POT1: variants seen among roughly 807,000 people sequenced by gnomAD.
POT1 encodes protection of telomeres 1.
POT1 carries 47 observed loss-of-function variants against 78.5 expected under a neutral mutation model. That is an observed-to-expected ratio of 0.60 (90% CI 0.47 to 0.76). The LOEUF is 0.76. Ranked by LOEUF, POT1 falls within the 30% of genes least tolerant of loss-of-function variation. The probability of loss-of-function intolerance (pLI) is 0.00; values close to 1 mark genes in which losing one functional copy is unlikely to be tolerated. For synonymous variants in POT1, 259 were observed against 260.7 expected, an observed-to-expected ratio of 0.99 and a Z score of 0.06; for missense variants, 646 against 749.9, an observed-to-expected ratio of 0.86 and a Z score of 1.62.
At chr7:124,868,630 G>A (rs990619804) in intron 7 of POT1, among the ~76,000 whole-genome samples, 4 of 150,576 alleles carry the variant, frequency 2.7e-5, no homozygotes, top group Non-Finnish European at 3.0e-5. Flanking sequence ...AGTAAAAAAA[G>A]GTAACTATTA....
At chr7:124,893,529 T>C (rs1441563401) in intron 5 of POT1, among the ~76,000 whole-genome samples, 1 of 151,422 alleles carries the variant, frequency 6.6e-6, no homozygotes, top group Non-Finnish European at 1.5e-5. Flanking sequence ...AACAACTTGC[T>C]GAGATACTAC....
At chr7:124,900,741 T>A (rs946181256) in intron 3 of POT1, 3 of 255,646 alleles carry the variant, frequency 1.2e-5, no homozygotes, top group Non-Finnish European at 2.6e-5. Context: ...GGAATTCCCT[T>A]TCCTAGCCAA....
chr7:124,902,837 C>T (rs981879506), intron 3 of POT1, among the ~76,000 whole-genome samples: 1 of 151,846 alleles, frequency 6.6e-6, no homozygotes, highest in Non-Finnish European at 1.5e-5. Flanking sequence ...GAAGATCTAC[C>T]AAGCAAATGG....
In POT1 at chr7:124,839,936, C is replaced by G. The variant is rs191833304; in HGVS notation, c.1369+1037G>C. Among the ~76,000 whole-genome samples, 663 of 151,936 alleles carry G rather than the reference C, an allele frequency of 4.4e-3. 3 individuals carry two copies. Among genetic ancestry groups the G allele is most frequent in the Non-Finnish European group, 6.1e-3 (417 of 67,922 alleles). On this transcript the variant is annotated intron_variant, in intron 14 of 18. Coordinates refer to ENST00000357628, the MANE Select transcript of POT1 (RefSeq NM_015450.3). ...CTAACAAACCATTATCACTCAAAGT[C>G]CAGTCTATATTAGGGTTTACTCTCA... is the stretch of plus-strand genomic sequence containing the variant.
chr7:124,845,553 C>T (rs1005008857), intron 12 of POT1, among the ~76,000 whole-genome samples: 9 of 152,082 alleles, frequency 5.9e-5, no homozygotes, highest in Admixed American at 1.3e-4. Context: ...AAGGTAGTGT[C>T]CAATCACTTC....
At chr7:124,915,328 G>GGTA (rs1226142734) in intron 3 of POT1, among the ~76,000 whole-genome samples, 1 of 152,078 alleles carries the variant, frequency 6.6e-6, no homozygotes, top group Non-Finnish European at 1.5e-5. Flanking sequence ...ACAACACCTA[G>GGTA]GTAACAAATA....
At chr7:124,924,792 G>A (rs1439809153) in intron 2 of POT1, among the ~76,000 whole-genome samples, 2 of 151,992 alleles carry the variant, frequency 1.3e-5, no homozygotes, top group African/African-American at 2.4e-5. Context: ...TCTCAGGGAC[G>A]CAAGAATAGT....
intron 2 of POT1, among the ~76,000 whole-genome samples, chr7:124,922,980 T>C (rs1287787114): frequency 6.6e-6 from 1 of 151,804 alleles, no homozygotes; most frequent in Admixed American, 6.6e-5. Context: ...CCAAAGTATC[T>C]TAACCAACAA....
intron 3 of POT1, among the ~76,000 whole-genome samples, chr7:124,905,134 G>T (rs142312466): frequency 6.7e-6 from 1 of 148,592 alleles, no homozygotes; most frequent in Non-Finnish European, 1.5e-5. Flanking sequence ...CACAGAATTG[G>T]AAGTTCATAT....
chr7:124,847,043 A>C (rs1414624228), intron 11 of POT1, 45 bp from the exon 12 acceptor site: 2 of 1,326,150 alleles, frequency 1.5e-6, no homozygotes, highest in Admixed American at 3.5e-5. Flanking sequence ...TTACAACTTC[A>C]TTGTAGAACT....
chr7:124,852,141 A>G lies in POT1; in HGVS notation c.870-190T>C, dbSNP rs534992663. On this transcript the variant is annotated intron_variant, in intron 10 of 18. Coordinates refer to ENST00000357628, the MANE Select transcript of POT1 (RefSeq NM_015450.3). ...GTTCAAATTAAAAATCTGAGTTTAG[A>G]AAGATACAAGTGAAACAGCAGAATG... Among the ~76,000 whole-genome samples the G allele has an allele frequency of 2.6e-5, 4 of 152,288 alleles. No homozygotes were observed. The East Asian group carries it at 7.7e-4, about 29-fold the overall frequency.
intron 6 of POT1, among the ~76,000 whole-genome samples, chr7:124,888,960 A>C (rs529266541): frequency 6.6e-6 from 1 of 152,046 alleles, no homozygotes; most frequent in Non-Finnish European, 1.5e-5. Flanking sequence ...TGACTTGATA[A>C]CCCTATAATG....
At chr7:124,848,254 A>G (rs1287356816) in intron 11 of POT1, among the ~76,000 whole-genome samples, 1 of 152,210 alleles carries the variant, frequency 6.6e-6, no homozygotes, top group African/African-American at 2.4e-5. Flanking sequence ...CTCAAAAATA[A>G]AAAACTCTAA....
intron 15 of POT1, among the ~76,000 whole-genome samples, chr7:124,833,329 T>C (rs1794815483): frequency 6.6e-6 from 1 of 152,202 alleles, no homozygotes; most frequent in African/African-American, 2.4e-5. Context: ...TACCGTATAA[T>C]ATTTTTCAAC....
intron 6 of POT1, among the ~76,000 whole-genome samples, chr7:124,889,305 A>G (rs1421377146): frequency 6.6e-6 from 1 of 152,096 alleles, no homozygotes; most frequent in African/African-American, 2.4e-5. Flanking sequence ...TCAATTCTTT[A>G]AAGGCCAAGA....
chr7:124,833,344 A>G (rs1794815618), intron 15 of POT1, among the ~76,000 whole-genome samples: 1 of 152,212 alleles, frequency 6.6e-6, no homozygotes, highest in African/African-American at 2.4e-5. Context: ...TTCAACCAGT[A>G]TATAATTTTT....
At chr7:124,886,002 A>G (rs1168601111) in intron 6 of POT1, among the ~76,000 whole-genome samples, 1 of 152,134 alleles carries the variant, frequency 6.6e-6, no homozygotes, top group Non-Finnish European at 1.5e-5. Flanking sequence ...CCAAAGGTGA[A>G]TATGAACTTA....
chr7:124,914,008 G>A (rs759278545), intron 3 of POT1, among the ~76,000 whole-genome samples: 3 of 151,750 alleles, frequency 2.0e-5, no homozygotes, highest in Non-Finnish European at 2.9e-5. Context: ...GGTGGTACGC[G>A]TCTGTAGTCC....
intron 5 of POT1, among the ~76,000 whole-genome samples, chr7:124,896,148 T>C (rs1449384908): frequency 5.9e-5 from 9 of 151,706 alleles, no homozygotes; most frequent in Admixed American, 4.6e-4. Context: ...AACTGCAAGA[T>C]CCATGCTCAG....
Sources: allele counts gnomAD v4.1 joint callset (sites outside exome capture counted in the v4.1 genomes callset), GRCh38; gene constraint gnomAD v4.1.1; transcripts MANE v1.5; gene names NCBI Gene and HGNC (gene_info 2026-07-23, HGNC 2026-07-21).